EXOC6B: variants seen among roughly 807,000 people sequenced by gnomAD.
The protein encoded by EXOC6B is exocyst complex component 6B.
EXOC6B carries 54 observed loss-of-function variants against 113.5 expected under a neutral mutation model. That is an observed-to-expected ratio of 0.48 (90% CI 0.38 to 0.60). The LOEUF is 0.60. EXOC6B is among the 20% of genes least tolerant of loss of function. The pLI is 0.00. For missense variants in EXOC6B, 797 were observed against 977.5 expected (o/e 0.82, Z 2.46); for synonymous variants, 357 against 339.0 (o/e 1.05, Z -0.58).
chr2:72,355,696 C>A (rs924177384), intron 19 of EXOC6B, among the ~76,000 whole-genome samples: 1 of 152,162 alleles, frequency 6.6e-6, no homozygotes, highest in African/African-American at 2.4e-5. Context: ...CAGAAAGAAG[C>A]AGCTTATTTT....
intron 20 of EXOC6B, among the ~76,000 whole-genome samples, chr2:72,305,162 G>C (rs1686760164): frequency 6.6e-6 from 1 of 152,050 alleles, no homozygotes; most frequent in Admixed American, 6.6e-5. Context: ...TATTTTGTTG[G>C]TGAAGAAACT....
At chr2:72,696,528 G>A (rs544122595) in intron 6 of EXOC6B, among the ~76,000 whole-genome samples, 227 of 152,284 alleles carry the variant, frequency 1.5e-3, no homozygotes, top group African/African-American at 5.3e-3. Context: ...CTCTAAATTG[G>A]CTGTGGGACT....
intron 16 of EXOC6B, among the ~76,000 whole-genome samples, chr2:72,490,346 C>T (rs1699671494): frequency 6.6e-6 from 1 of 152,088 alleles, no homozygotes; most frequent in South Asian, 2.1e-4. Context: ...GCCCAGCCTG[C>T]TTCAAATGTT....
chr2:72,408,099 T>C (rs565719858), intron 18 of EXOC6B, among the ~76,000 whole-genome samples: 1 of 152,166 alleles, frequency 6.6e-6, no homozygotes, highest in African/African-American at 2.4e-5. Context: ...AAATCATGAG[T>C]GAACTCCCAT....
chr2:72,583,726 G>GT (rs1467224756), intron 6 of EXOC6B, among the ~76,000 whole-genome samples: 1 of 138,582 alleles, frequency 7.2e-6, no homozygotes, highest in African/African-American at 3.3e-5. Flanking sequence ...TTTTGTTTTT[G>GT]TTTTTGTTTT....
At chr2:72,734,345 C>A (rs186627153) in intron 2 of EXOC6B, among the ~76,000 whole-genome samples, 1 of 152,142 alleles carries the variant, frequency 6.6e-6, no homozygotes, top group African/African-American at 2.4e-5. Context: ...ATTAATGGCA[C>A]CACATGTGAA....
intron 6 of EXOC6B, among the ~76,000 whole-genome samples, chr2:72,615,715 C>T (rs1464437557): frequency 1.3e-5 from 2 of 151,812 alleles, no homozygotes; most frequent in African/African-American, 4.8e-5. Flanking sequence ...ATGTACTATA[C>T]TATACTTTTT....
intron 20 of EXOC6B, among the ~76,000 whole-genome samples, chr2:72,320,556 C>G (rs1687791417): frequency 6.6e-6 from 1 of 152,122 alleles, no homozygotes; most frequent in African/African-American, 2.4e-5. Context: ...TACTTCATAT[C>G]ATATTGAAAA....
At chr2:72,204,506 T>C (rs1346662059) in intron 20 of EXOC6B, among the ~76,000 whole-genome samples, 2 of 151,668 alleles carry the variant, frequency 1.3e-5, no homozygotes, top group East Asian at 3.9e-4. Flanking sequence ...CATTGGAAGT[T>C]ACATTTTCTC....
intron 6 of EXOC6B, among the ~76,000 whole-genome samples, chr2:72,681,169 A>C (rs1012106603): frequency 6.6e-6 from 1 of 152,170 alleles, no homozygotes; most frequent in Non-Finnish European, 1.5e-5. Context: ...CTCATCTTTC[A>C]ACACACATCC....
chr2:72,634,744 C>A (rs1672706181), intron 6 of EXOC6B, among the ~76,000 whole-genome samples: 1 of 152,206 alleles, frequency 6.6e-6, no homozygotes, highest in African/African-American at 2.4e-5. Flanking sequence ...AGGTTCACAT[C>A]TCCTTAATCA....
At chr2:72,409,501 A>G (rs1694018805) in intron 18 of EXOC6B, among the ~76,000 whole-genome samples, 1 of 152,254 alleles carries the variant, frequency 6.6e-6, no homozygotes, top group Non-Finnish European at 1.5e-5. Flanking sequence ...GATCAAGAAA[A>G]GTTGGCACAT....
intron 1 of EXOC6B, among the ~76,000 whole-genome samples, chr2:72,804,659 G>A (rs544085189): frequency 7.9e-5 from 12 of 151,808 alleles, no homozygotes; most frequent in African/African-American, 2.9e-4. Flanking sequence ...ACAATGGCAC[G>A]ATCTCAGCTC....
At chr2:72,574,383 G>A (rs1420853127) in intron 7 of EXOC6B, among the ~76,000 whole-genome samples, 2 of 152,156 alleles carry the variant, frequency 1.3e-5, no homozygotes, top group South Asian at 2.1e-4. Flanking sequence ...TTAAGGAGCA[G>A]GGATTTGTGA....
chr2:72,378,957 C>G (rs1691519122), intron 19 of EXOC6B, among the ~76,000 whole-genome samples: 1 of 152,140 alleles, frequency 6.6e-6, no homozygotes, highest in African/African-American at 2.4e-5. Context: ...TCCCAGCCTC[C>G]CATAGAGCTG....
intron 20 of EXOC6B, among the ~76,000 whole-genome samples, chr2:72,295,047 A>G (rs1292740317): frequency 6.6e-6 from 1 of 152,022 alleles, no homozygotes; most frequent in Admixed American, 6.6e-5. Flanking sequence ...CCTGGCCAAC[A>G]TGGTGAATCC....
chr2:72,503,714 A>C (rs943812427), intron 11 of EXOC6B, among the ~76,000 whole-genome samples: 3 of 152,140 alleles, frequency 2.0e-5, no homozygotes, highest in Non-Finnish European at 4.4e-5. Flanking sequence ...ATTCCTAGGC[A>C]TACACCTGCT....
At chr2:72,717,005 C>T (rs561252495) in intron 6 of EXOC6B, among the ~76,000 whole-genome samples, 4 of 152,080 alleles carry the variant, frequency 2.6e-5, no homozygotes, top group African/African-American at 7.2e-5. Context: ...CCCAGCAATG[C>T]TAAGGTATAT....
chr2:72,561,076 T>C (rs1703862409), intron 7 of EXOC6B, among the ~76,000 whole-genome samples: 1 of 152,066 alleles, frequency 6.6e-6, no homozygotes, highest in Admixed American at 6.5e-5. Flanking sequence ...TACAGTCTCC[T>C]CTTTCGGACT....
Sources: gnomAD v4.1 joint callset for allele counts (sites outside exome capture counted in the v4.1 genomes callset) on GRCh38, gnomAD v4.1.1 for gene constraint, MANE v1.5 for transcripts, NCBI Gene and HGNC (gene_info 2026-07-23, HGNC 2026-07-21) for gene names.